The following LDB2 variants were observed in gnomAD, a reference collection of about 807,000 sequenced individuals.
LDB2 encodes the protein LIM domain-binding protein 2.
LDB2 carries 12 observed loss-of-function variants against 44.3 expected under a neutral mutation model. That is an observed-to-expected ratio of 0.27 (90% CI 0.17 to 0.44). LDB2 has a LOEUF of 0.44. Ranked by LOEUF, LDB2 falls within the 20% of genes least tolerant of loss-of-function variation. The pLI is 1.00. For missense variants in LDB2, 344 were observed against 473.5 expected (o/e 0.73, Z 2.54); for synonymous variants, 164 against 174.8 (o/e 0.94, Z 0.49).
Position 16,502,408 on chromosome 4 carries a change from C to A in LDB2, c.*235G>T. On this transcript the variant is annotated 3_prime_UTR_variant, in exon 8 of 8. Transcript: ENST00000304523. ...CTCTCATTTTAATTACAATCAGTGCCAGTATCTGTATTACCTGTGAAGGCC... is the reference window on the plus strand; with the variant it reads ...CTCTCATTTTAATTACAATCAGTGCAAGTATCTGTATTACCTGTGAAGGCC... 2 of 542,986 alleles carry A rather than the reference C, an allele frequency of 3.7e-6. No individual in the cohort carries two copies. The highest frequency in any genetic ancestry group is 3.3e-6 in the Non-Finnish European group (1 of 305,906). 33.6% of individuals were successfully genotyped at this position (542,986 alleles called of 1,614,324 possible).
chr4:16,755,984 G>A (rs888743700), intron 2 of LDB2, among the ~76,000 whole-genome samples: 7 of 152,182 alleles, frequency 4.6e-5, no homozygotes, highest in South Asian at 2.1e-4. Context: ...TCACCTGGGC[G>A]GACACACCCC....
At chr4:16,564,444 A>G (rs1296481674) in intron 5 of LDB2, among the ~76,000 whole-genome samples, 1 of 152,204 alleles carries the variant, frequency 6.6e-6, no homozygotes, top group East Asian at 1.9e-4. Context: ...AGCCAACTGA[A>G]ATATTCTTCC....
chr4:16,898,583 A>ACACACGCT lies in LDB2; in HGVS notation c.-106_-99dup. The ACACACGCT allele has an allele frequency of 8.7e-7, 1 of 1,155,776 alleles. No individual in the cohort carries two copies. The highest frequency in any genetic ancestry group is 1.2e-6 in the Non-Finnish European group (1 of 813,142). 71.6% of individuals were successfully genotyped at this position (1,155,776 alleles called of 1,614,324 possible). A position where few individuals can be genotyped will look rare whatever the true frequency, so the allele number is the denominator to read the frequency against. On this transcript the variant is annotated 5_prime_UTR_variant, in exon 1 of 8. Coordinates refer to ENST00000304523, the MANE Select transcript of LDB2 (RefSeq NM_001290.5). Reference sequence around the variant, plus strand: ...TTCCCAGTACAAAGTAGACGCACGCACACACGCTCACACACACACAGAGGC... The same window carrying ACACACGCT: ...TTCCCAGTACAAAGTAGACGCACGCACACACGCTCACACGCTCACACACACACAGAGGC...
chr4:16,521,039 A>G (rs529990879), intron 5 of LDB2, among the ~76,000 whole-genome samples: 5 of 152,188 alleles, frequency 3.3e-5, no homozygotes, highest in African/African-American at 1.2e-4. Context: ...GCCCCTGCAC[A>G]TTATTTCCCA....
chr4:16,696,155 T>C (rs550919424), intron 2 of LDB2, among the ~76,000 whole-genome samples: 7 of 152,348 alleles, frequency 4.6e-5, no homozygotes, highest in African/African-American at 1.7e-4. Flanking sequence ...GACTTCTCTG[T>C]GCTTTTTAGC....
intron 2 of LDB2, among the ~76,000 whole-genome samples, chr4:16,644,806 C>G (rs757685160): frequency 1.3e-5 from 2 of 152,132 alleles, no homozygotes; most frequent in African/African-American, 2.4e-5. Context: ...CCATTATCCT[C>G]TTCTATTAAA....
At chr4:16,819,635 A>G (rs1781592351) in intron 1 of LDB2, among the ~76,000 whole-genome samples, 1 of 152,154 alleles carries the variant, frequency 6.6e-6, no homozygotes, top group Admixed American at 6.5e-5. Context: ...TTTATTAAAT[A>G]TAATGATGTC....
At chr4:16,636,799 G>A (rs1284466961) in intron 2 of LDB2, among the ~76,000 whole-genome samples, 4 of 152,120 alleles carry the variant, frequency 2.6e-5, no homozygotes, top group African/African-American at 9.7e-5. Flanking sequence ...AGAACAAAAA[G>A]CTCTGAAGCA....
intron 1 of LDB2, among the ~76,000 whole-genome samples, chr4:16,880,538 G>C (rs935100587): frequency 2.6e-5 from 4 of 152,176 alleles, no homozygotes; most frequent in African/African-American, 9.7e-5. Context: ...GGTGCTTATA[G>C]TTAGTTGCCT....
At chr4:16,896,176 A>G (rs1724944973) in intron 1 of LDB2, among the ~76,000 whole-genome samples, 1 of 152,178 alleles carries the variant, frequency 6.6e-6, no homozygotes, top group African/African-American at 2.4e-5. Flanking sequence ...AAAAATCTTT[A>G]AGATTTGTCA....
At chr4:16,707,280 T>C (rs534250542) in intron 2 of LDB2, among the ~76,000 whole-genome samples, 7 of 152,268 alleles carry the variant, frequency 4.6e-5, no homozygotes, top group African/African-American at 9.6e-5. Context: ...CTTTCTATTA[T>C]ACACATTTTG....
chr4:16,616,060 C>A (rs985505932), intron 2 of LDB2, among the ~76,000 whole-genome samples: 1 of 152,162 alleles, frequency 6.6e-6, no homozygotes, highest in African/African-American at 2.4e-5. Flanking sequence ...AACTCTACCC[C>A]CTTACCCTAA....
chr4:16,839,542 C>T (rs994447962), intron 1 of LDB2, among the ~76,000 whole-genome samples: 1 of 152,136 alleles, frequency 6.6e-6, no homozygotes, highest in Non-Finnish European at 1.5e-5. Context: ...GACTATAACA[C>T]CCAGTTTGGT....
intron 1 of LDB2, among the ~76,000 whole-genome samples, chr4:16,860,915 TA>T (rs35017642): frequency 0.39 from 58,074 of 150,346 alleles, 12,463 homozygotes; most frequent in East Asian, 0.77. Context: ...CCTACAGCTA[TA>T]AAAAAAAAAT....
chr4:16,551,317 C>A (rs2152348565), intron 5 of LDB2, among the ~76,000 whole-genome samples: 1 of 152,180 alleles, frequency 6.6e-6, no homozygotes. Flanking sequence ...ACATTTCATA[C>A]AATTTTTTAA....
intron 2 of LDB2, among the ~76,000 whole-genome samples, chr4:16,721,628 A>G (rs1471442073): frequency 6.6e-6 from 1 of 152,186 alleles, no homozygotes; most frequent in Admixed American, 6.6e-5. Context: ...TCCATAGGAC[A>G]TGGAGCAACA....
intron 2 of LDB2, among the ~76,000 whole-genome samples, chr4:16,665,916 G>C (rs1043533778): frequency 6.6e-6 from 1 of 152,156 alleles, no homozygotes; most frequent in African/African-American, 2.4e-5. Context: ...AGGAGGCAGA[G>C]ATTGAAGTGA....
In LDB2 at chr4:16,790,408, T is replaced by C. The variant is rs75721110; in HGVS notation, c.133-31148A>G. ...CTATAAGGTTCTATTGAAGCAAATA[T>C]AGAAACCTGATACATGGCACTAGAT... On this transcript the variant is annotated intron_variant, in intron 1 of 7. Coordinates refer to ENST00000304523, the MANE Select transcript of LDB2 (RefSeq NM_001290.5). Among the ~76,000 whole-genome samples, 939 of 152,260 alleles carry C rather than the reference T, an allele frequency of 6.2e-3. 5 individuals are homozygous for C. The highest frequency in any genetic ancestry group is 0.024 in the Middle Eastern group (7 of 294).
intron 2 of LDB2, among the ~76,000 whole-genome samples, chr4:16,623,433 A>G (rs1230209801): frequency 2.0e-5 from 3 of 152,072 alleles, no homozygotes; most frequent in Non-Finnish European, 4.4e-5. Flanking sequence ...CCCCATCTCT[A>G]CTGAAAATAC....
Sources: gnomAD v4.1 joint callset for allele counts (sites outside exome capture counted in the v4.1 genomes callset) on GRCh38, gnomAD v4.1.1 for gene constraint, MANE v1.5 for transcripts, NCBI Gene and HGNC (gene_info 2026-07-23, HGNC 2026-07-21) for gene names.